Variants in SNHG17 observed in about 807,000 individuals in gnomAD.
SNHG17 encodes small nucleolar RNA host gene 17 (non-protein coding).
At chr20:38,422,936 C>CA (rs2084183253) in intron 5 of SNHG17, among the ~76,000 whole-genome samples, 1 of 151,964 alleles carries the variant, frequency 6.6e-6, no homozygotes, top group Non-Finnish European at 1.5e-5. Flanking sequence ...ACTAGAAATA[C>CA]AAAAAATTAT....
intron 3 of SNHG17, chr20:38,428,829 C>T (rs2122710540): frequency 6.6e-6 from 1 of 152,382 alleles, no homozygotes; most frequent in African/African-American, 2.4e-5. Context: ...TGATTCCTTT[C>T]CCACAAGCTG....
intron 3 of SNHG17, chr20:38,427,373 T>C (rs549023361): frequency 1.9e-6 from 1 of 518,886 alleles, no homozygotes; most frequent in Admixed American, 1.9e-5. Context: ...ACAACCTCTT[T>C]CAGCGTTCCT....
intron 2 of SNHG17, among the ~76,000 whole-genome samples, chr20:38,431,533 T>C (rs767881920): frequency 6.6e-6 from 1 of 152,118 alleles, no homozygotes; most frequent in Non-Finnish European, 1.5e-5. Flanking sequence ...AAACGGAACC[T>C]GCCCCAACCA....
At chr20:38,427,654 G>A (rs1184492492) in intron 3 of SNHG17, 4 of 174,158 alleles carry the variant, frequency 2.3e-5, no homozygotes, top group South Asian at 1.2e-4. Context: ...ATGGGGTCAC[G>A]TCTGTAAAAA....
At chr20:38,420,820 G>A (rs1169324510) in exon 8 of SNHG17, 1 of 152,166 alleles carries the variant, frequency 6.6e-6, no homozygotes, top group Non-Finnish European at 1.5e-5. Flanking sequence ...GCAGCAGGGA[G>A]CAGCTCTGGT....
At chr20:38,432,269 C>T in intron 2 of SNHG17, 3 of 579,760 alleles carry the variant, frequency 5.2e-6, no homozygotes, top group Non-Finnish European at 6.5e-6. Context: ...TCATCAGGGA[C>T]AGCTTAAGTC....
chr20:38,425,133 G>T, intron 5 of SNHG17: 1 of 487,926 alleles, frequency 2.0e-6, no homozygotes, highest in South Asian at 1.5e-5. Context: ...CCCTAATGAG[G>T]TAAACAGGGG....
chr20:38,434,654 G>T (rs529563502), intron 1 of SNHG17: 1 of 188,930 alleles, frequency 5.3e-6, no homozygotes, highest in East Asian at 1.9e-4. Flanking sequence ...ACGGGGAGGG[G>T]GCTTTAGTAC....
At chr20:38,431,071 G>A (rs2084334623) in exon 3 of SNHG17, 1 of 152,330 alleles carries the variant, frequency 6.6e-6, no homozygotes, top group Admixed American at 6.5e-5. Context: ...CTCTCCCAGA[G>A]GACGCCTCTC....
At chr20:38,431,899 C>G in intron 2 of SNHG17, 1 of 552,694 alleles carries the variant, frequency 1.8e-6, no homozygotes, top group Non-Finnish European at 2.3e-6. Context: ...GACACTCTTA[C>G]CTCACCTCTC....
chr20:38,422,780 C>T (rs950323077), intron 5 of SNHG17, among the ~76,000 whole-genome samples: 1 of 152,050 alleles, frequency 6.6e-6, no homozygotes, highest in African/African-American at 2.4e-5. Context: ...CACAACAAAA[C>T]ATTATTCACC....
chr20:38,432,219 G>C (rs6015015), intron 2 of SNHG17: 15 of 954,268 alleles, frequency 1.6e-5, no homozygotes, highest in African/African-American at 1.8e-5. Flanking sequence ...AGTGGTCTAC[G>C]GTCTCAGCAA....
intron 2 of SNHG17, among the ~76,000 whole-genome samples, chr20:38,433,634 G>A (rs974103709): frequency 5.3e-5 from 8 of 152,152 alleles, no homozygotes; most frequent in African/African-American, 1.9e-4. Flanking sequence ...TCAAGACACT[G>A]TCCTCAAGGT....
chr20:38,427,169 C>A, intron 3 of SNHG17: 1 of 350,112 alleles, frequency 2.9e-6, no homozygotes, highest in South Asian at 2.4e-5. Flanking sequence ...TGATCTACCC[C>A]TCAGAACACA....
At chr20:38,426,991 CACAT>C (rs765758885) in intron 3 of SNHG17, among the ~76,000 whole-genome samples, 4 of 134,024 alleles carry the variant, frequency 3.0e-5, no homozygotes, top group Admixed American at 7.3e-5. Context: ...CCCCAAGTTA[CACAT>C]ACACACACAC....
intron 1 of SNHG17, chr20:38,435,089 G>A: frequency 8.1e-7 from 1 of 1,232,132 alleles, no homozygotes; most frequent in Non-Finnish European, 1.0e-6. Context: ...AAGAGGACGA[G>A]ACACTGCACC....
At chr20:38,427,973 T>C (rs2084277917) in intron 3 of SNHG17, 1 of 152,254 alleles carries the variant, frequency 6.6e-6, no homozygotes. Flanking sequence ...ACAGGCTGAA[T>C]GCATTTTCAC....
intron 3 of SNHG17, chr20:38,429,566 T>C: frequency 2.7e-6 from 1 of 364,746 alleles, no homozygotes; most frequent in East Asian, 8.6e-5. Flanking sequence ...CACCCTTCCC[T>C]CATGTCTCAC....
intron 3 of SNHG17, among the ~76,000 whole-genome samples, chr20:38,430,080 G>A (rs1032252663): frequency 2.0e-5 from 3 of 152,204 alleles, no homozygotes; most frequent in African/African-American, 7.2e-5. Context: ...ACTTTGGGAG[G>A]CTGAGGCAGG....
Sources: gnomAD v4.1 joint callset for allele counts (sites outside exome capture counted in the v4.1 genomes callset) on GRCh38, gnomAD v4.1.1 for gene constraint, MANE v1.5 for transcripts, NCBI Gene and HGNC (gene_info 2026-07-23, HGNC 2026-07-21) for gene names.